Variants in XIRP2 observed in about 807,000 individuals in gnomAD.
The protein encoded by XIRP2 is xin actin-binding repeat-containing protein 2.
Under a neutral mutation model 277.0 loss-of-function variants are expected in XIRP2, and 236 were observed. That is an observed-to-expected ratio of 0.85 (90% CI 0.77 to 0.95). XIRP2 has a LOEUF of 0.95. XIRP2 is among the 40% of genes least tolerant of loss of function. The pLI, the probability that XIRP2 is intolerant of heterozygous loss-of-function variation, is 0.00. For synonymous variants in XIRP2, 1,490 were observed against 1,416.5 expected (o/e 1.05, Z -1.17); for missense variants, 4,640 against 4,157.5 (o/e 1.12, Z -3.19).
chr2:167,036,648 T>A (rs948054154), intron 2 of XIRP2, among the ~76,000 whole-genome samples: 4 of 152,040 alleles, frequency 2.6e-5, no homozygotes, highest in African/African-American at 9.7e-5. Context: ...CTGAAATGAG[T>A]TAAGACTTCG....
In XIRP2 at chr2:167,219,144, T is replaced by C. The variant is rs1284306487; in HGVS notation, c.858+844T>C. Among the ~76,000 whole-genome samples, 4 of 152,076 alleles carry C rather than the reference T, an allele frequency of 2.6e-5. No individual in the cohort carries two copies. The East Asian group carries it at 5.8e-4, about 22-fold the overall frequency. On this transcript the variant is annotated intron_variant, in intron 5 of 10. Coordinates refer to ENST00000409195, the MANE Select transcript of XIRP2 (RefSeq NM_152381.6). ...GTGTGGCAGGGGATGAGGCGGCATATCAGGTAGAATGATTAAAAATCTCAT... is the reference window on the plus strand; with the variant it reads ...GTGTGGCAGGGGATGAGGCGGCATACCAGGTAGAATGATTAAAAATCTCAT...
intron 2 of XIRP2, among the ~76,000 whole-genome samples, chr2:167,022,331 T>C (rs977163211): frequency 2.0e-5 from 3 of 152,130 alleles, no homozygotes; most frequent in South Asian, 2.1e-4. Flanking sequence ...GAGTCATTTA[T>C]GCAATACATG....
intron 2 of XIRP2, among the ~76,000 whole-genome samples, chr2:166,907,337 C>G (rs1286053176): frequency 6.6e-6 from 1 of 152,124 alleles, no homozygotes. Context: ...CTAAGAAATA[C>G]CTTGTTATTA....
intron 2 of XIRP2, among the ~76,000 whole-genome samples, chr2:167,126,578 T>C (rs1360729320): frequency 6.6e-6 from 1 of 152,176 alleles, no homozygotes; most frequent in Non-Finnish European, 1.5e-5. Flanking sequence ...TGTTATGAGG[T>C]AGCCAAAGTA....
At chr2:167,057,651 T>G (rs1355178214) in intron 2 of XIRP2, among the ~76,000 whole-genome samples, 1 of 152,228 alleles carries the variant, frequency 6.6e-6, no homozygotes, top group East Asian at 1.9e-4. Context: ...TTTCTTGGCA[T>G]GTCGACAGTT....
intron 3 of XIRP2, among the ~76,000 whole-genome samples, chr2:167,201,782 A>G (rs1348336024): frequency 6.6e-6 from 1 of 152,228 alleles, no homozygotes; most frequent in Non-Finnish European, 1.5e-5. Flanking sequence ...CATATATTTT[A>G]GGAAGCAGAA....
chr2:167,020,718 T>C (rs979565338), intron 2 of XIRP2, among the ~76,000 whole-genome samples: 10 of 152,154 alleles, frequency 6.6e-5, no homozygotes, highest in Non-Finnish European at 1.0e-4. Context: ...TGATTTATTA[T>C]ATCTCTTTCT....
rs746166765 is a variant in XIRP2 at position 167,245,168 on chromosome 2, A to G, written c.3776A>G (p.Glu1259Gly). Residue 1259 changes from glutamate to glycine, a missense_variant, in exon 9 of 11, where the codon GAA becomes GGA. Physicochemically the swap from Glu to Gly is moderately conservative, Grantham distance 98. Transcript: ENST00000409195. ...DKIKESQEGD[E>G]CVKTVTDIQG... ...ATAAAAGAAAGCCAAGAAGGTGATG[A>G]ATGTGTTAAGACGGTGACAGACATA... The G allele has an allele frequency of 3.1e-6, 5 of 1,613,254 alleles. No individual in the cohort carries two copies. The African/African-American group carries it at 6.7e-5, about 22-fold the overall frequency.
chr2:167,050,611 T>C (rs1429913018), intron 2 of XIRP2, among the ~76,000 whole-genome samples: 1 of 151,816 alleles, frequency 6.6e-6, no homozygotes, highest in African/African-American at 2.4e-5. Flanking sequence ...TCACACCCTA[T>C]AGATAATTTC....
Position 167,214,025 on chromosome 2 carries a change from T to C in XIRP2, c.723+3130T>C, listed in dbSNP as rs1488269949. On this transcript the variant is annotated intron_variant, in intron 4 of 10. Coordinates refer to ENST00000409195, the MANE Select transcript of XIRP2 (RefSeq NM_152381.6). ...CCTGAGGTCAGCAGTTCAAGACCAG[T>C]CTGGCCAACATGATGAAACTCCATG... Among the ~76,000 whole-genome samples the C allele has an allele frequency of 2.0e-5, 3 of 146,976 alleles. No individual in the cohort carries two copies. In the East Asian group the frequency reaches 6.0e-4, roughly 29 times the overall value.
At chr2:167,072,753 T>C (rs956689368) in intron 2 of XIRP2, among the ~76,000 whole-genome samples, 5 of 152,182 alleles carry the variant, frequency 3.3e-5, no homozygotes, top group Non-Finnish European at 7.3e-5. Context: ...TTATTGTTTA[T>C]ATAAAAATGT....
intron 3 of XIRP2, among the ~76,000 whole-genome samples, chr2:167,198,149 G>A (rs1413297947): frequency 3.3e-5 from 5 of 152,126 alleles, no homozygotes; most frequent in Non-Finnish European, 5.9e-5. Flanking sequence ...TCATAAGCAA[G>A]GAAGACTATT....
chr2:167,258,742 T>C lies in XIRP2; in HGVS notation c.*925T>C. Reference sequence around the variant, plus strand: ...AGACATCTATTTTAGAATTTCTTGATCTATTACCCTTGTCGAGTGAAGCAA... The same window carrying C: ...AGACATCTATTTTAGAATTTCTTGACCTATTACCCTTGTCGAGTGAAGCAA... On this transcript the variant is annotated 3_prime_UTR_variant, in exon 11 of 11. Transcript: ENST00000409195. 1 of 1,613,406 alleles carries C rather than the reference T, an allele frequency of 6.2e-7. No individual in the cohort carries two copies. Among genetic ancestry groups the C allele is most frequent in the Non-Finnish European group, 8.5e-7 (1 of 1,179,660 alleles).
At chr2:167,173,699 A>G (rs987118302) in intron 3 of XIRP2, among the ~76,000 whole-genome samples, 1 of 152,120 alleles carries the variant, frequency 6.6e-6, no homozygotes, top group Non-Finnish European at 1.5e-5. Flanking sequence ...GTTTTTGAGG[A>G]ACCCCAAACT....
chr2:167,234,086 CAGG>C (rs1386184562), intron 5 of XIRP2, among the ~76,000 whole-genome samples: 1 of 151,518 alleles, frequency 6.6e-6, no homozygotes, highest in Admixed American at 6.6e-5. Context: ...ACTTTTAGAG[CAGG>C]AGGAGACAGA....
intron 3 of XIRP2, among the ~76,000 whole-genome samples, chr2:167,170,611 T>C (rs1692660944): frequency 6.6e-6 from 1 of 152,184 alleles, no homozygotes; most frequent in Non-Finnish European, 1.5e-5. Flanking sequence ...ATCAATGCTC[T>C]CTTATTTTTC....
chr2:167,153,441 G>A (rs1457493247), intron 3 of XIRP2, among the ~76,000 whole-genome samples: 3 of 151,282 alleles, frequency 2.0e-5, no homozygotes, highest in Non-Finnish European at 4.4e-5. Flanking sequence ...AAGTTTTAGG[G>A]TACATGTGCA....
chr2:166,902,119 C>G (rs1192542979), intron 1 of XIRP2, among the ~76,000 whole-genome samples: 1 of 152,078 alleles, frequency 6.6e-6, no homozygotes, highest in African/African-American at 2.4e-5. Flanking sequence ...TAAAACCCAA[C>G]CTGGGACTGA....
In XIRP2 at chr2:167,244,069, A is replaced by T; in HGVS notation, c.2677A>T (p.Ile893Leu). ...TGAAGCATTAAAAGACAGTCCTGAT[A>T]TAGGAAAGCTTCAAAAAATCACTGC... The part of the protein sequence containing the change: ...PIEALKDSPD[I>L]GKLQKITASE... Residue 893 changes from isoleucine to leucine, a missense_variant, in exon 9 of 11, where the codon ATA (isoleucine) becomes TTA (leucine). Physicochemically the swap from Ile to Leu is conservative, Grantham distance 5. Coordinates refer to ENST00000409195, the MANE Select transcript of XIRP2 (RefSeq NM_152381.6). The T allele has an allele frequency of 6.2e-7, 1 of 1,613,928 alleles. No individual in the cohort carries two copies. Among genetic ancestry groups the T allele is most frequent in the Non-Finnish European group, 8.5e-7 (1 of 1,179,900 alleles).
Sources: allele counts gnomAD v4.1 joint callset (sites outside exome capture counted in the v4.1 genomes callset), GRCh38; gene constraint gnomAD v4.1.1; transcripts MANE v1.5; gene names NCBI Gene and HGNC (gene_info 2026-07-23, HGNC 2026-07-21).